The following FAM151B variants were observed in gnomAD, a reference collection of about 807,000 sequenced individuals.
FAM151B encodes family with sequence similarity 151 member B.
FAM151B carries 24 observed loss-of-function variants against 31.2 expected under a neutral mutation model. The ratio of observed to expected loss-of-function variants is 0.77; its 90% confidence interval spans 0.56 to 1.08. FAM151B has a LOEUF of 1.08. Ranked by LOEUF, FAM151B falls within the 50% of genes least tolerant of loss-of-function variation. FAM151B has a pLI of 0.00. For missense variants in FAM151B, 293 were observed against 328.6 expected, an observed-to-expected ratio of 0.89 and a Z score of 0.84; for synonymous variants, 105 against 111.4, an observed-to-expected ratio of 0.94 and a Z score of 0.36.
chr5:80,538,374 T>TTCTTTCTTTC, intron 5 of FAM151B, among the ~76,000 whole-genome samples: 1 of 30,162 alleles, frequency 3.3e-5, no homozygotes, highest in South Asian at 1.5e-3. Flanking sequence ...GCCTTTCTTT[T>TTCTTTCTTTC]TCTTTCTTTC....
intron 1 of FAM151B, among the ~76,000 whole-genome samples, chr5:80,496,021 A>G (rs954849604): frequency 6.6e-6 from 1 of 152,204 alleles, no homozygotes; most frequent in African/African-American, 2.4e-5. Context: ...TGCTGTGAAC[A>G]TTGTTGAAAT....
intron 5 of FAM151B, among the ~76,000 whole-genome samples, chr5:80,526,224 C>T (rs1177951690): frequency 6.6e-6 from 1 of 152,098 alleles, no homozygotes; most frequent in Non-Finnish European, 1.5e-5. Context: ...AATGGACTCA[C>T]TCAGTTCTAA....
rs191268550 is a variant in FAM151B, at chr5:80,491,480, C to G, written c.25+3332C>G. 2.0e-5 allele frequency among the ~76,000 whole-genome samples: 3 copies of G among 152,286 alleles called. No individual in the cohort carries two copies. In the East Asian group the frequency reaches 5.8e-4, roughly 29 times the overall value. On this transcript the variant is annotated intron_variant, in intron 1 of 5. Coordinates refer to ENST00000282226, the MANE Select transcript of FAM151B (RefSeq NM_205548.3). ...TTAAGCAGTCCTTCCGCCTCAGCCT[C>G]CCAAAGTGCTGGAGTTACAGTTGTG...
At chr5:80,528,601 A>C (rs114120552) in intron 5 of FAM151B, among the ~76,000 whole-genome samples, 1,718 of 152,134 alleles carry the variant, frequency 0.011, 25 homozygotes, top group African/African-American at 0.039. Context: ...TCAACACACA[A>C]AAAAAATTAG....
intron 2 of FAM151B, among the ~76,000 whole-genome samples, chr5:80,505,749 A>ATTTTTTTTTTTTT (rs386404255): frequency 1.3e-5 from 1 of 77,882 alleles, no homozygotes; most frequent in Admixed American, 1.8e-4. Flanking sequence ...TCCTATAAGA[A>ATTTTTTTTTTTTT]TTTTTTTTTT....
chr5:80,501,957 A>G lies in FAM151B; in HGVS notation c.151+40A>G, dbSNP rs201002289. 9 of 1,464,644 alleles carry G rather than the reference A, an allele frequency of 6.1e-6. No homozygotes were observed. In the African/African-American group the frequency reaches 1.1e-4, roughly 18 times the overall value. The allele number at this position is 1,464,644 out of a possible 1,614,324, so 90.7% of individuals were successfully genotyped here. On this transcript the variant is annotated intron_variant, in intron 2 of 5. Coordinates refer to ENST00000282226, the MANE Select transcript of FAM151B (RefSeq NM_205548.3). ...TTACTTGTAATTTACTTTGGATAAT[A>G]GATTAATTCAACTCCTTTTTTGATA...
intron 1 of FAM151B, chr5:80,498,736 T>G: frequency 1.7e-6 from 1 of 573,598 alleles, no homozygotes; most frequent in Non-Finnish European, 3.3e-6. Context: ...TTCTTGGGAG[T>G]GGTGTAAGAC....
At chr5:80,518,744 A>G (rs1437409045) in intron 3 of FAM151B, 5 of 152,182 alleles carry the variant, frequency 3.3e-5, no homozygotes, top group Non-Finnish European at 7.3e-5. Context: ...TAATGAGATT[A>G]TTTAAATTTC....
intron 2 of FAM151B, among the ~76,000 whole-genome samples, chr5:80,505,543 C>T (rs549688021): frequency 4.0e-5 from 6 of 151,872 alleles, no homozygotes; most frequent in South Asian, 4.2e-4. Context: ...TGCAGGCACC[C>T]GCCATCACGC....
intron 1 of FAM151B, among the ~76,000 whole-genome samples, chr5:80,501,170 C>T (rs964684978): frequency 2.0e-5 from 3 of 151,828 alleles, no homozygotes; most frequent in African/African-American, 4.8e-5. Flanking sequence ...TGTGCCACCA[C>T]ACCTGGCTAA....
At position 80,504,269 on chromosome 5, in the gene FAM151B, A is replaced by G. The variant is rs545508205; in HGVS notation, c.151+2352A>G. ...TCTTTATTCTTGTATCTAATATCCA[A>G]TCATTATGATTCTATTCCAAAATAC... On this transcript the variant is annotated intron_variant, in intron 2 of 5. Coordinates refer to ENST00000282226, the MANE Select transcript of FAM151B (RefSeq NM_205548.3). Among the ~76,000 whole-genome samples, 10 of 152,162 alleles carry G rather than the reference A, an allele frequency of 6.6e-5. No individual in the cohort carries two copies. The South Asian group carries it at 2.1e-3, about 32-fold the overall frequency.
chr5:80,518,757 C>T (rs1335447826), intron 3 of FAM151B: 1 of 152,114 alleles, frequency 6.6e-6, no homozygotes, highest in Non-Finnish European at 1.5e-5. Context: ...TAAATTTCTT[C>T]TCTTAGAGTA....
chr5:80,521,555 A>G (rs1278720180), intron 4 of FAM151B, among the ~76,000 whole-genome samples: 1 of 152,186 alleles, frequency 6.6e-6, no homozygotes, highest in South Asian at 2.1e-4. Context: ...ATTTGATGTT[A>G]ACTATCACTT....
chr5:80,514,476 A>AAAT (rs139355800), intron 3 of FAM151B, among the ~76,000 whole-genome samples: 11,743 of 139,226 alleles, frequency 0.084, 545 homozygotes, highest in African/African-American at 0.13. Flanking sequence ...ACTCCCTCTC[A>AAAT]AATAATAATA....
At chr5:80,525,268 T>C (rs1744907284) in intron 5 of FAM151B, among the ~76,000 whole-genome samples, 1 of 152,160 alleles carries the variant, frequency 6.6e-6, no homozygotes, top group Non-Finnish European at 1.5e-5. Flanking sequence ...AGTCAAGCAA[T>C]TGTGCATGAA....
At position 80,537,467 on chromosome 5, in the gene FAM151B, G is replaced by C. The variant is rs1405076979; in HGVS notation, c.672-4206G>C. On this transcript the variant is annotated intron_variant, in intron 5 of 5. Coordinates refer to ENST00000282226, the MANE Select transcript of FAM151B (RefSeq NM_205548.3). Reference sequence around the variant, plus strand: ...GTCTATTCTCAGATTTTGTGTGTGTGTACGCTCCAATGTCGTAGCGGAGTC... The same window carrying C: ...GTCTATTCTCAGATTTTGTGTGTGTCTACGCTCCAATGTCGTAGCGGAGTC... Among the ~76,000 whole-genome samples the C allele has an allele frequency of 2.6e-5, 4 of 152,312 alleles. No homozygotes were observed. The East Asian group carries it at 5.8e-4, about 22-fold the overall frequency.
chr5:80,511,716 C>T (rs889097258), intron 2 of FAM151B, among the ~76,000 whole-genome samples: 12 of 152,128 alleles, frequency 7.9e-5, no homozygotes, highest in African/African-American at 2.9e-4. Flanking sequence ...AAGTGATTCT[C>T]CTGCCTCAGC....
intron 5 of FAM151B, among the ~76,000 whole-genome samples, chr5:80,532,130 A>G (rs1745269370): frequency 6.7e-6 from 1 of 149,544 alleles, no homozygotes; most frequent in Non-Finnish European, 1.5e-5. Context: ...CAAAAAACCA[A>G]ACACTGTGTG....
intron 2 of FAM151B, chr5:80,505,998 C>T (rs569510360): frequency 2.2e-4 from 171 of 761,652 alleles, no homozygotes; most frequent in Non-Finnish European, 2.7e-4. Context: ...CCTCATGATC[C>T]GCCTGCCTTG....
Sources: gnomAD v4.1 joint callset for allele counts (sites outside exome capture counted in the v4.1 genomes callset) on GRCh38, gnomAD v4.1.1 for gene constraint, MANE v1.5 for transcripts, NCBI Gene and HGNC (gene_info 2026-07-23, HGNC 2026-07-21) for gene names.